The following NUCKS1 variants were observed in gnomAD, a reference collection of about 807,000 sequenced individuals.
NUCKS1 encodes the protein nuclear casein kinase and cyclin dependent kinase substrate 1, also known as nuclear ubiquitous casein and cyclin-dependent kinase substrate 1.
A neutral mutation model predicts 33.0 loss-of-function variants in NUCKS1; 2 were observed. The observed-to-expected ratio is 0.06, with a 90% CI of 0.02 to 0.19. The LOEUF (loss-of-function observed/expected upper bound fraction) is 0.19, where lower values mean the gene tolerates loss of function less well. Ranked by LOEUF, NUCKS1 falls within the 10% of genes least tolerant of loss-of-function variation. The pLI, the probability that NUCKS1 is intolerant of heterozygous loss-of-function variation, is 1.00. For missense variants in NUCKS1, 201 were observed against 293.6 expected (o/e 0.68, Z 2.31); for synonymous variants, 106 against 102.8 (o/e 1.03, Z -0.19).
In NUCKS1 at chr1:205,715,439, A is replaced by C. The variant is rs1571565565; in HGVS notation, c.*2841T>G. On this transcript the variant is annotated 3_prime_UTR_variant, in exon 7 of 7. Coordinates refer to ENST00000367142, the MANE Select transcript of NUCKS1 (RefSeq NM_022731.5). ...GAAATGAGGAGATGTTTTAGAAAGC[A>C]GGACAAATCTACCTACCATTACTGG... 6.6e-6 allele frequency: 1 copy of C among 152,252 alleles called. No individual in the cohort carries two copies. Among genetic ancestry groups the C allele is most frequent in the Admixed American group, 6.5e-5 (1 of 15,282 alleles). 9.4% of individuals were successfully genotyped at this position (152,252 alleles called of 1,614,324 possible).
chr1:205,724,718 TAGTTC>T (rs1299527378), intron 3 of NUCKS1, among the ~76,000 whole-genome samples: 4 of 151,940 alleles, frequency 2.6e-5, no homozygotes, highest in African/African-American at 9.7e-5. Context: ...AAAGGAATTG[TAGTTC>T]AGTTATCTTA....
intron 1 of NUCKS1, among the ~76,000 whole-genome samples, chr1:205,745,025 T>C (rs929757629): frequency 1.2e-4 from 19 of 152,216 alleles, no homozygotes; most frequent in African/African-American, 4.1e-4. Flanking sequence ...TGTTACCTTT[T>C]GGGAATTCCA....
chr1:205,743,123 A>G (rs951797020), intron 1 of NUCKS1, among the ~76,000 whole-genome samples: 5 of 152,228 alleles, frequency 3.3e-5, no homozygotes, highest in African/African-American at 1.2e-4. Flanking sequence ...TAGAATGCGT[A>G]GGCGCAGTAT....
rs1452218305 is a variant in NUCKS1 at position 205,714,101 on chromosome 1, AAAGAG to A, written c.*4174_*4178del. ...CTTGTAACAAATACTTCTGGAGGAA[AAAGAG>A]AAAAGAATTCACTAAGTTCCAGAAG... On this transcript the variant is annotated 3_prime_UTR_variant, in exon 7 of 7. Coordinates refer to ENST00000367142, the MANE Select transcript of NUCKS1 (RefSeq NM_022731.5). 1 of 152,208 alleles carries A rather than the reference AAAGAG, an allele frequency of 6.6e-6. No individual in the cohort carries two copies. Among genetic ancestry groups the A allele is most frequent in the Non-Finnish European group, 1.5e-5 (1 of 68,032 alleles). 9.4% of individuals were successfully genotyped at this position (152,208 alleles called of 1,614,324 possible). A position where few individuals can be genotyped will look rare whatever the true frequency, so the allele number is the denominator to read the frequency against.
intron 1 of NUCKS1, among the ~76,000 whole-genome samples, chr1:205,732,960 A>G (rs1252277822): frequency 6.6e-6 from 1 of 152,120 alleles, no homozygotes; most frequent in African/African-American, 2.4e-5. Flanking sequence ...GCCATGAAAA[A>G]TAGTATGATG....
intron 5 of NUCKS1, 52 bp from the exon 6 acceptor site, chr1:205,719,728 A>G: frequency 6.4e-7 from 1 of 1,571,070 alleles, no homozygotes; most frequent in Non-Finnish European, 8.6e-7. Flanking sequence ...CATCCTTCCA[A>G]GTAAAAAAGG....
At chr1:205,746,443 T>TCA (rs759670793) in intron 1 of NUCKS1, among the ~76,000 whole-genome samples, 2,242 of 70,104 alleles carry the variant, frequency 0.032, 29 homozygotes, top group Non-Finnish European at 0.053. Flanking sequence ...CACTTCTCTC[T>TCA]CTCTCTCTCT....
At chr1:205,746,605 C>T (rs1266268119) in intron 1 of NUCKS1, among the ~76,000 whole-genome samples, 1 of 152,052 alleles carries the variant, frequency 6.6e-6, no homozygotes, top group East Asian at 1.9e-4. Flanking sequence ...TAGTTTTTCT[C>T]TTTAGCTGAG....
chr1:205,717,786 C>A lies in NUCKS1; in HGVS notation c.*494G>T. The stretch of plus-strand genomic sequence containing the variant: ...AGACAAATAAACTCATATTAGATGA[C>A]AATTGATTTTTTAAAAGTCCAGGTA... On this transcript the variant is annotated 3_prime_UTR_variant, in exon 7 of 7. Transcript: ENST00000367142. The A allele has an allele frequency of 1.0e-6, 1 of 985,034 alleles. No homozygotes were observed. The highest frequency in any genetic ancestry group is 1.2e-6 in the Non-Finnish European group (1 of 829,716). The allele number at this position is 985,034 out of a possible 1,614,324, so 61.0% of individuals were successfully genotyped here.
rs1046941516 is a variant in NUCKS1, at chr1:205,750,153, C to A, written c.-180G>T. The A allele has an allele frequency of 2.3e-5, 15 of 644,030 alleles. No individual in the cohort carries two copies. The African/African-American group carries it at 2.8e-4, about 12-fold the overall frequency. The allele number at this position is 644,030 out of a possible 1,614,324, so 39.9% of individuals were successfully genotyped here. On this transcript the variant is annotated 5_prime_UTR_variant, in exon 1 of 7. Coordinates refer to ENST00000367142, the MANE Select transcript of NUCKS1 (RefSeq NM_022731.5). ...TTCAGGGCTCCTGGAACAGACGAGC[C>A]CCCCGCTCCCCCGTCTCTTCAAAAT...
Position 205,717,876 on chromosome 1 carries a change from A to G in NUCKS1, c.*404T>C. 2 of 987,394 alleles carry G rather than the reference A, an allele frequency of 2.0e-6. No individual in the cohort carries two copies. The highest frequency in any genetic ancestry group is 2.4e-6 in the Non-Finnish European group (2 of 831,126). The allele number at this position is 987,394 out of a possible 1,614,324, so 61.2% of individuals were successfully genotyped here. Reference sequence around the variant, plus strand: ...TTTTTTGATTACTATTCAACTTGCTATTTTTTAGCAAAAAGCGAAGTTTCA... The same window carrying G: ...TTTTTTGATTACTATTCAACTTGCTGTTTTTTAGCAAAAAGCGAAGTTTCA... On this transcript the variant is annotated 3_prime_UTR_variant, in exon 7 of 7. Transcript: ENST00000367142.
chr1:205,741,826 G>A (rs1297849435), intron 1 of NUCKS1, among the ~76,000 whole-genome samples: 1 of 152,172 alleles, frequency 6.6e-6, no homozygotes, highest in African/African-American at 2.4e-5. Context: ...GCAGAGTTTT[G>A]TGTTTAACAA....
At chr1:205,727,660 G>A (rs750529743) in intron 3 of NUCKS1, 40 bp downstream of exon 3, 20 of 1,312,330 alleles carry the variant, frequency 1.5e-5, no homozygotes, top group Admixed American at 5.0e-5. Context: ...TCTCAGAGTG[G>A]TAACAGTGTA....
chr1:205,718,237 CTTTTT>C lies in NUCKS1; in HGVS notation c.*38_*42del. 1 of 653,546 alleles carries C rather than the reference CTTTTT, an allele frequency of 1.5e-6. No homozygotes were observed. Among genetic ancestry groups the C allele is most frequent in the South Asian group, 2.5e-5 (1 of 39,952 alleles). The allele number at this position is 653,546 out of a possible 1,614,324, so 40.5% of individuals were successfully genotyped here. ...TCCTCCCTCTTTTTTCTTTTTTTTT[CTTTTT>C]TTTTTTAATAAAATCTCTCCCCAGA... is the stretch of plus-strand genomic sequence containing the variant. On this transcript the variant is annotated 3_prime_UTR_variant, in exon 7 of 7. Transcript: ENST00000367142.
chr1:205,729,317 A>G (rs548577598), intron 2 of NUCKS1, among the ~76,000 whole-genome samples: 63 of 152,322 alleles, frequency 4.1e-4, no homozygotes, highest in Middle Eastern at 3.4e-3. Context: ...GAATTACTGG[A>G]CATTTAAACT....
At chr1:205,741,714 G>T (rs1384307653) in intron 1 of NUCKS1, among the ~76,000 whole-genome samples, 2 of 152,200 alleles carry the variant, frequency 1.3e-5, no homozygotes, top group Non-Finnish European at 2.9e-5. Flanking sequence ...GCAGTATCTT[G>T]ATAGACTATA....
chr1:205,747,512 T>A (rs1654361448), intron 1 of NUCKS1, among the ~76,000 whole-genome samples: 1 of 152,158 alleles, frequency 6.6e-6, no homozygotes, highest in Non-Finnish European at 1.5e-5. Flanking sequence ...CATTTGGAAA[T>A]TGATGCTAAG....
At position 205,750,014 on chromosome 1, in the gene NUCKS1, C is replaced by CCGGGGGGGGGGGGGGGGGGGG; in HGVS notation, c.-42_-41insCCCCCCCCCCCCCCCCCCCCG. On this transcript the variant is annotated 5_prime_UTR_variant, in exon 1 of 7. Coordinates refer to ENST00000367142, the MANE Select transcript of NUCKS1 (RefSeq NM_022731.5). ...AGGACCGAGTCGAGAAGCCAAAGACCAGGACCCCCCCCACCCCGCGCGCTC... is the reference window on the plus strand; with the variant it reads ...AGGACCGAGTCGAGAAGCCAAAGACCCGGGGGGGGGGGGGGGGGGGGAGGACCCCCCCCACCCCGCGCGCTC... The CCGGGGGGGGGGGGGGGGGGGG allele has an allele frequency of 8.9e-6, 14 of 1,568,874 alleles. No individual in the cohort carries two copies. Among genetic ancestry groups the CCGGGGGGGGGGGGGGGGGGGG allele is most frequent in the African/African-American group, 1.4e-5 (1 of 72,720 alleles).
At chr1:205,724,572 T>C (rs1412037971) in intron 3 of NUCKS1, among the ~76,000 whole-genome samples, 1 of 152,026 alleles carries the variant, frequency 6.6e-6, no homozygotes, top group Admixed American at 6.6e-5. Context: ...TGCATGGTTG[T>C]AATCTCAGCT....
Sources: allele counts gnomAD v4.1 joint callset (sites outside exome capture counted in the v4.1 genomes callset), GRCh38; gene constraint gnomAD v4.1.1; transcripts MANE v1.5; gene names NCBI Gene and HGNC (gene_info 2026-07-23, HGNC 2026-07-21).